The following RBFOX1 variants were observed in gnomAD, a reference collection of about 807,000 sequenced individuals.
RBFOX1 encodes RNA binding fox-1 homolog 1.
A neutral mutation model predicts 57.7 loss-of-function variants in RBFOX1; 8 were observed. The ratio of observed to expected loss-of-function variants is 0.14; its 90% CI spans 0.08 to 0.25. The LOEUF is 0.25. Among genes scored for constraint, RBFOX1 ranks in the 10% least tolerant of loss-of-function variants. RBFOX1 has a pLI of 1.00. For synonymous variants in RBFOX1, 326 were observed against 222.4 expected, an observed-to-expected ratio of 1.47 and a Z score of -4.15; for missense variants, 611 against 548.5, an observed-to-expected ratio of 1.11 and a Z score of -1.14.
At chr16:6,428,651 C>A (rs1195303715) in intron 2 of RBFOX1, among the ~76,000 whole-genome samples, 3 of 152,150 alleles carry the variant, frequency 2.0e-5, no homozygotes, top group Non-Finnish European at 2.9e-5. Context: ...TCATCACCAT[C>A]ATTGCTGTTA....
rs373098420 is a variant in RBFOX1 at position 5,441,452 on chromosome 16, C to T, written c.220-25764C>T. 1.3e-4 allele frequency among the ~76,000 whole-genome samples: 19 copies of T among 151,604 alleles called. No individual in the cohort carries two copies. In the East Asian group the frequency reaches 3.5e-3, roughly 28 times the overall value. ...TGATTTTGGCTCACTGCAACCTCCACCTCCAAGGTTCAAGCTATTCTCCTG... is the reference window on the plus strand; with the variant it reads ...TGATTTTGGCTCACTGCAACCTCCATCTCCAAGGTTCAAGCTATTCTCCTG... On this transcript the variant is annotated intron_variant, in intron 1 of 2. Transcript: ENST00000585867.
chr16:6,652,184 C>G (rs1240910769), intron 2 of RBFOX1, among the ~76,000 whole-genome samples: 1 of 152,152 alleles, frequency 6.6e-6, no homozygotes, highest in Non-Finnish European at 1.5e-5. Context: ...CTTACGGTGG[C>G]TCACACCTGT....
At chr16:6,816,440 T>A (rs1456216618) in intron 3 of RBFOX1, among the ~76,000 whole-genome samples, 3 of 144,858 alleles carry the variant, frequency 2.1e-5, no homozygotes, top group Non-Finnish European at 4.6e-5. Context: ...TTTTTTTTTT[T>A]AAAGAAACAG....
rs536805304 is a variant in RBFOX1, at chr16:5,924,737, T to A, written c.351+57402T>A. Among the ~76,000 whole-genome samples, 38 of 152,340 alleles carry A rather than the reference T, an allele frequency of 2.5e-4. No homozygotes were observed. In the South Asian group the frequency reaches 6.8e-3, roughly 27 times the overall value. On this transcript the variant is annotated intron_variant, in intron 4 of 19. Coordinates refer to the RBFOX1 transcript ENST00000641259. ...AGCAACACAAGTGGTCTAAGACACC[T>A]ACCTTTCCAGGAATCATTCTGACCA...
intron 1 of RBFOX1, among the ~76,000 whole-genome samples, chr16:6,021,745 A>G (rs949375514): frequency 3.3e-5 from 5 of 152,202 alleles, no homozygotes; most frequent in African/African-American, 1.2e-4. Context: ...GTTATCTGCC[A>G]GCTGTGTGAC....
chr16:6,304,058 C>A (rs1372293850), intron 1 of RBFOX1, among the ~76,000 whole-genome samples: 4 of 149,920 alleles, frequency 2.7e-5, no homozygotes, highest in Non-Finnish European at 5.9e-5. Context: ...GATCTGCCTG[C>A]CTGGGCCTCC....
rs1272490679 is a variant in RBFOX1 at position 6,516,000 on chromosome 16, TTTTTA to T, written c.-63-138588_-63-138584del. On this transcript the variant is annotated intron_variant, in intron 2 of 15. Coordinates refer to ENST00000550418, the MANE Select transcript of RBFOX1 (RefSeq NM_018723.4). ...CTGTATTTAGACTTCCTGGTTTTAT[TTTTTA>T]TTTTATTTTATTTTTTGAGACAGAG... 2.0e-5 allele frequency among the ~76,000 whole-genome samples: 3 copies of T among 152,234 alleles called. No individual in the cohort carries two copies. The East Asian group carries it at 5.8e-4, about 29-fold the overall frequency.
intron 3 of RBFOX1, among the ~76,000 whole-genome samples, chr16:6,919,425 G>A (rs138619255): frequency 6.7e-6 from 1 of 148,808 alleles, no homozygotes; most frequent in African/African-American, 2.5e-5. Flanking sequence ...ATAAAATAAA[G>A]CTCCCCCAAA....
chr16:7,577,146 A>G (rs1415301914), intron 5 of RBFOX1, among the ~76,000 whole-genome samples: 1 of 152,352 alleles, frequency 6.6e-6, no homozygotes, highest in Non-Finnish European at 1.5e-5. Flanking sequence ...TCGTGTACTA[A>G]TAATTCATTC....
chr16:6,140,535 A>G (rs1439291458), intron 1 of RBFOX1, among the ~76,000 whole-genome samples: 1 of 152,118 alleles, frequency 6.6e-6, no homozygotes, highest in African/African-American at 2.4e-5. Flanking sequence ...GGCCTGTAGC[A>G]GGATCATCCA....
At chr16:7,298,164 C>G (rs765426759) in intron 4 of RBFOX1, among the ~76,000 whole-genome samples, 19 of 151,914 alleles carry the variant, frequency 1.3e-4, no homozygotes, top group Non-Finnish European at 2.5e-4. Context: ...TGTCCTGTAC[C>G]TTGTTTTATT....
At chr16:5,943,831 A>AC (rs2059331334) in intron 4 of RBFOX1, among the ~76,000 whole-genome samples, 1 of 151,428 alleles carries the variant, frequency 6.6e-6, no homozygotes, top group Non-Finnish European at 1.5e-5. Context: ...CCATCCATCG[A>AC]CCCACCCATT....
At chr16:7,582,074 G>T (rs1025273881) in intron 6 of RBFOX1, among the ~76,000 whole-genome samples, 5 of 147,036 alleles carry the variant, frequency 3.4e-5, no homozygotes, top group Admixed American at 2.8e-4. Flanking sequence ...CTGTCACCCA[G>T]ACTGCAGTGA....
At chr16:6,533,514 C>T (rs1218590547) in intron 2 of RBFOX1, among the ~76,000 whole-genome samples, 1 of 152,086 alleles carries the variant, frequency 6.6e-6, no homozygotes, top group Non-Finnish European at 1.5e-5. Context: ...AGGGATGGTG[C>T]TTGATTGATC....
chr16:7,701,914 T>C (rs1207912451), intron 14 of RBFOX1, among the ~76,000 whole-genome samples: 2 of 152,200 alleles, frequency 1.3e-5, no homozygotes, highest in African/African-American at 4.8e-5. Flanking sequence ...GGAGGGTTTC[T>C]CCCTGTTGCA....
intron 4 of RBFOX1, among the ~76,000 whole-genome samples, chr16:7,351,070 G>C (rs1426328632): frequency 6.6e-6 from 1 of 152,174 alleles, no homozygotes; most frequent in Non-Finnish European, 1.5e-5. Context: ...CTTCGGGATG[G>C]CTGGTTTTCC....
intron 1 of RBFOX1, among the ~76,000 whole-genome samples, chr16:6,144,851 AT>A (rs1484913104): frequency 6.6e-6 from 1 of 152,190 alleles, no homozygotes; most frequent in African/African-American, 2.4e-5. Flanking sequence ...ACTGTGAATC[AT>A]CCCTCTTATG....
intron 2 of RBFOX1, among the ~76,000 whole-genome samples, chr16:6,348,770 G>A (rs1264688059): frequency 6.6e-6 from 1 of 151,980 alleles, no homozygotes; most frequent in East Asian, 1.9e-4. Flanking sequence ...AACCATTCAT[G>A]AAGGATCCAC....
chr16:6,569,781 G>A (rs1207824084), intron 2 of RBFOX1, among the ~76,000 whole-genome samples: 1 of 152,132 alleles, frequency 6.6e-6, no homozygotes, highest in East Asian at 1.9e-4. Context: ...TGAGTGGTTG[G>A]CCAGTGGCTG....
Sources: allele counts gnomAD v4.1 joint callset (sites outside exome capture counted in the v4.1 genomes callset), GRCh38; gene constraint gnomAD v4.1.1; transcripts MANE v1.5; gene names NCBI Gene and HGNC (gene_info 2026-07-23, HGNC 2026-07-21).